Variants in P4HA3 observed in about 807,000 individuals in gnomAD.
P4HA3 encodes prolyl 4-hydroxylase subunit alpha 3, also known as prolyl 4-hydroxylase subunit alpha-3.
P4HA3 carries 60 observed loss-of-function variants against 66.7 expected under a neutral mutation model. The ratio of observed to expected loss-of-function variants is 0.90; its 90% CI spans 0.73 to 1.12. The LOEUF (loss-of-function observed/expected upper bound fraction) is 1.12. Among genes scored for constraint, P4HA3 ranks in the 50% most tolerant of loss-of-function variants. The pLI is 0.00. For missense variants in P4HA3, 683 were observed against 685.8 expected, an observed-to-expected ratio of 1.00 and a Z score of 0.05; for synonymous variants, 263 against 274.6, an observed-to-expected ratio of 0.96 and a Z score of 0.42.
rs143065591 is a variant in P4HA3 at position 74,259,609 on chromosome 11, G to A, written c.*1318+314C>T. On this transcript the variant is annotated intron_variant and NMD_transcript_variant, in intron 15 of 15. Transcript: ENST00000524388. Reference sequence around the variant, plus strand: ...CCATTAAGCAATAACTCCTGCCTGCGTCCCCAAGCTCTATTCTGCTTTTGG... The same window carrying A: ...CCATTAAGCAATAACTCCTGCCTGCATCCCCAAGCTCTATTCTGCTTTTGG... 3.0e-3 allele frequency among the ~76,000 whole-genome samples: 456 copies of A among 152,162 alleles called. 3 individuals are homozygous for A. The highest frequency in any genetic ancestry group is 0.01 in the African/African-American group (435 of 41,500).
intron 5 of P4HA3, chr11:74,287,028 G>T: frequency 2.0e-6 from 2 of 993,982 alleles, no homozygotes; most frequent in Non-Finnish European, 2.5e-6. Context: ...GAAGTATGGC[G>T]CAGAGGGACT....
At chr11:74,285,714 G>A in intron 7 of P4HA3, 95 bp downstream of exon 7, 2 of 1,309,776 alleles carry the variant, frequency 1.5e-6, no homozygotes, top group East Asian at 4.6e-5. Context: ...GCTCTTTGAG[G>A]TGTCTAGTTG....
intron 15 of P4HA3, among the ~76,000 whole-genome samples, chr11:74,252,828 G>A (rs1008761147): frequency 2.0e-5 from 3 of 152,124 alleles, no homozygotes; most frequent in Non-Finnish European, 4.4e-5. Context: ...TCTGTTTAGG[G>A]AAACACAGTT....
chr11:74,299,758 T>C (rs78036703), intron 3 of P4HA3, among the ~76,000 whole-genome samples: 6,040 of 151,972 alleles, frequency 0.04, 129 homozygotes, highest in Middle Eastern at 0.11. Flanking sequence ...CAGATGCTGA[T>C]GTTCCCTAGG....
intron 4 of P4HA3, 74 bp from the exon 5 acceptor site, chr11:74,289,204 T>TAA (rs11419151): frequency 0.016 from 13,897 of 870,214 alleles, no homozygotes; most frequent in South Asian, 0.019. Flanking sequence ...ACCATTAAAT[T>TAA]AAAAAAAAAA....
At chr11:74,260,832 A>G (rs1199500736) in intron 14 of P4HA3, among the ~76,000 whole-genome samples, 1 of 152,194 alleles carries the variant, frequency 6.6e-6, no homozygotes, top group African/African-American at 2.4e-5. Context: ...CCATATGCAC[A>G]TATGGACCTC....
chr11:74,277,200 G>T, intron 8 of P4HA3, 56 bp from the exon 9 acceptor site: 4 of 1,554,008 alleles, frequency 2.6e-6, no homozygotes, highest in Non-Finnish European at 1.8e-6. Flanking sequence ...ATGACTAAAT[G>T]ACGTCTCTGA....
intron 4 of P4HA3, among the ~76,000 whole-genome samples, chr11:74,294,002 A>T (rs1350699590): frequency 1.3e-5 from 2 of 152,192 alleles, no homozygotes; most frequent in African/African-American, 4.8e-5. Context: ...CTGCCTTGCT[A>T]GATTGGGGAA....
At chr11:74,287,505 G>A (rs1860840250) in intron 5 of P4HA3, among the ~76,000 whole-genome samples, 1 of 152,100 alleles carries the variant, frequency 6.6e-6, no homozygotes, top group South Asian at 2.1e-4. Flanking sequence ...TAGATCAAGT[G>A]CAAATAAATA....
intron 6 of P4HA3, 41 bp downstream of exon 6, chr11:74,286,187 G>T (rs758989517): frequency 6.3e-7 from 1 of 1,596,416 alleles, no homozygotes; most frequent in African/African-American, 1.3e-5. Context: ...TCAAACTCTA[G>T]CCAGGCCTCT....
intron 15 of P4HA3, among the ~76,000 whole-genome samples, chr11:74,255,789 C>G (rs187789677): frequency 6.6e-6 from 1 of 152,192 alleles, no homozygotes; most frequent in African/African-American, 2.4e-5. Flanking sequence ...CAGAACTGAT[C>G]TGCATTTTAA....
Position 74,285,840 on chromosome 11 carries a change from G to C in P4HA3, c.1079C>G (p.Ala360Gly), listed in dbSNP as rs758136093. 3.1e-6 allele frequency: 5 copies of C among 1,614,028 alleles called. No homozygotes were observed. The Admixed American group carries it at 8.3e-5, about 27-fold the overall frequency. Reference sequence around the variant, plus strand: ...TTCTGCAAGTTCTCTAATTTTCTGAGCCTCTGAGTCACTGACGAAGTCATG... The same window carrying C: ...TTCTGCAAGTTCTCTAATTTTCTGACCCTCTGAGTCACTGACGAAGTCATG... ...LYHDFVSDSE[A>G]QKIRELAEPW... The change falls in exon 7 of 13, where the codon GCT becomes GGT. Residue 360 changes from alanine (A) to glycine (G), a missense_variant. Ala to Gly is a moderately conservative substitution (Grantham distance 60). Transcript: ENST00000331597.
intron 14 of P4HA3, among the ~76,000 whole-genome samples, chr11:74,261,292 C>T (rs1211431277): frequency 2.0e-5 from 3 of 152,018 alleles, no homozygotes; most frequent in Non-Finnish European, 4.4e-5. Context: ...CGTGTGCTGA[C>T]TGGCTTGTGA....
intron 11 of P4HA3, among the ~76,000 whole-genome samples, chr11:74,269,080 A>T (rs772832191): frequency 6.6e-6 from 1 of 152,230 alleles, no homozygotes; most frequent in African/African-American, 2.4e-5. Flanking sequence ...TCGTTTAGTT[A>T]TCTTCATTTC....
At chr11:74,256,329 G>C (rs1425693714) in intron 15 of P4HA3, among the ~76,000 whole-genome samples, 1 of 152,162 alleles carries the variant, frequency 6.6e-6, no homozygotes, top group Non-Finnish European at 1.5e-5. Flanking sequence ...AAATGCTCGT[G>C]AGCTTTGTGG....
Position 74,277,050 on chromosome 11 carries a change from C to G in P4HA3, c.1270G>C (p.Glu424Gln). Reference protein sequence around the residue: ...TGLDVRPPYAEYLQVVNYGIG... With the variant: ...TGLDVRPPYAQYLQVVNYGIG... ...CCATAGTTCACCACCTGCAGATACT[C>G]TGCATAGGGAGGCCGGACATCAAGG... The change falls in exon 9 of 13, where the codon GAG becomes CAG. Residue 424 changes from glutamate (E) to glutamine (Q), a missense_variant. Physicochemically the swap from Glu to Gln is conservative, Grantham distance 29 (BLOSUM62 2). Coordinates refer to ENST00000331597, the MANE Select transcript of P4HA3 (RefSeq NM_182904.5). The G allele has an allele frequency of 1.2e-6, 2 of 1,614,092 alleles. No individual in the cohort carries two copies. The highest frequency in any genetic ancestry group is 2.2e-5 in the South Asian group (2 of 91,074).
In P4HA3 at chr11:74,285,967, G is replaced by A; in HGVS notation, c.952C>T (p.Pro318Ser). 6.2e-7 allele frequency: 1 copy of A among 1,609,020 alleles called. No individual in the cohort carries two copies. Among genetic ancestry groups the A allele is most frequent in the Non-Finnish European group, 8.5e-7 (1 of 1,175,444 alleles). The change falls in exon 7 of 13, where the codon CCT becomes TCT. Residue 318 changes from proline (P) to serine (S), a missense_variant. Physicochemically the swap from Pro to Ser is moderately conservative, Grantham distance 74 (BLOSUM62 -1). Coordinates refer to ENST00000331597, the MANE Select transcript of P4HA3 (RefSeq NM_182904.5). ...GTCTCATAGGAACAGTAGAGGCTAG[G>A]GATCTGGTAGAGAGTGGGCTGGAAG... is the stretch of plus-strand genomic sequence containing the variant. ...LGSQPTLYQI[P>S]SLYCSYETNS...
chr11:74,295,285 C>T (rs1027109403), intron 4 of P4HA3, among the ~76,000 whole-genome samples: 1 of 152,112 alleles, frequency 6.6e-6, no homozygotes, highest in Non-Finnish European at 1.5e-5. Context: ...AAACATTGCC[C>T]AGTGCACAGG....
In P4HA3 at chr11:74,257,441, G is replaced by A. The variant is rs184762948; in HGVS notation, c.*1318+2482C>T. On this transcript the variant is annotated intron_variant and NMD_transcript_variant, in intron 15 of 15. Coordinates refer to the P4HA3 transcript ENST00000524388. ...CACCCAGCCAAGAGGTAGCATTTGA[G>A]TTGAGCCTTGAAGTATCACAAAGTG... 1.5e-4 allele frequency among the ~76,000 whole-genome samples: 23 copies of A among 152,244 alleles called. No individual in the cohort carries two copies. In the East Asian group the frequency reaches 4.1e-3, roughly 27 times the overall value.
Sources: gnomAD v4.1 joint callset for allele counts (sites outside exome capture counted in the v4.1 genomes callset) on GRCh38, gnomAD v4.1.1 for gene constraint, MANE v1.5 for transcripts, NCBI Gene and HGNC (gene_info 2026-07-23, HGNC 2026-07-21) for gene names.